The following KIF6 variants were observed in gnomAD, a reference collection of about 807,000 sequenced individuals.
KIF6 encodes the protein kinesin family member 6.
In KIF6, 106 loss-of-function variants were observed where a neutral mutation model predicts 112.7. The ratio of observed to expected loss-of-function variants is 0.94; its 90% CI spans 0.80 to 1.11. KIF6 has a LOEUF of 1.11. KIF6 is among the 50% of genes least tolerant of loss of function. KIF6 has a pLI of 0.00. For missense variants in KIF6, 929 were observed against 964.0 expected (o/e 0.96, Z 0.48); for synonymous variants, 339 against 339.9 (o/e 1.00, Z 0.03).
At chr6:39,494,784 C>T (rs916899062) in intron 13 of KIF6, among the ~76,000 whole-genome samples, 4 of 150,952 alleles carry the variant, frequency 2.6e-5, no homozygotes, top group Non-Finnish European at 5.9e-5. Flanking sequence ...AAGAAATGTC[C>T]TTATGACAAG....
chr6:39,371,539 C>T (rs1006970569), intron 16 of KIF6, among the ~76,000 whole-genome samples: 8 of 152,184 alleles, frequency 5.3e-5, no homozygotes, highest in East Asian at 1.9e-4. Context: ...CCTTTCTGCA[C>T]AGCCCTGACA....
chr6:39,372,201 G>T (rs755499727), intron 16 of KIF6, among the ~76,000 whole-genome samples: 1 of 151,920 alleles, frequency 6.6e-6, no homozygotes, highest in African/African-American at 2.4e-5. Context: ...CAGTTATGGG[G>T]TTGATCAATT....
chr6:39,721,638 T>C (rs1416700702), intron 1 of KIF6, among the ~76,000 whole-genome samples: 1 of 152,124 alleles, frequency 6.6e-6, no homozygotes, highest in Non-Finnish European at 1.5e-5. Context: ...CTGAGCTCAA[T>C]TTACCAGCTG....
chr6:39,505,902 G>A (rs1312148695), intron 13 of KIF6, among the ~76,000 whole-genome samples: 2 of 152,206 alleles, frequency 1.3e-5, no homozygotes, highest in African/African-American at 4.8e-5. Flanking sequence ...TACACGGTTG[G>A]TGGGAGTGTA....
At position 39,448,693 on chromosome 6, in the gene KIF6, G is replaced by A. The variant is rs80061576; in HGVS notation, c.1646-17532C>T. On this transcript the variant is annotated intron_variant, in intron 13 of 22. Transcript: ENST00000287152. ...AACCTTCAGATATTGTTTAGCTCTG[G>A]AGACTATTCTCTTTCAACAGGTGAT... Among the ~76,000 whole-genome samples, 584 of 152,068 alleles carry A rather than the reference G, an allele frequency of 3.8e-3. 1 individual carries two copies. Among genetic ancestry groups the A allele is most frequent in the African/African-American group, 0.013 (556 of 41,462 alleles).
chr6:39,617,317 A>T (rs1461506985), intron 5 of KIF6, among the ~76,000 whole-genome samples: 2 of 152,160 alleles, frequency 1.3e-5, no homozygotes, highest in Admixed American at 6.5e-5. Context: ...TGACTGAAGC[A>T]CATATAAAGA....
intron 18 of KIF6, 56 bp from the exon 19 acceptor site, chr6:39,357,430 G>C: frequency 1.1e-6 from 1 of 902,048 alleles, no homozygotes; most frequent in African/African-American, 1.7e-5. Flanking sequence ...GACATAGGAA[G>C]ATGTTTTTGA....
At chr6:39,557,924 C>T (rs1779799556) in intron 10 of KIF6, among the ~76,000 whole-genome samples, 1 of 150,598 alleles carries the variant, frequency 6.6e-6, no homozygotes, top group Non-Finnish European at 1.5e-5. Flanking sequence ...TTGGTGAAAT[C>T]ACAAGTGATT....
At chr6:39,361,020 T>C (rs1765091503) in intron 17 of KIF6, among the ~76,000 whole-genome samples, 1 of 152,198 alleles carries the variant, frequency 6.6e-6, no homozygotes, top group Admixed American at 6.5e-5. Context: ...GGTCTGGTTC[T>C]AGAACCACAG....
chr6:39,570,362 T>C (rs1483574716), intron 10 of KIF6, among the ~76,000 whole-genome samples: 2 of 152,138 alleles, frequency 1.3e-5, no homozygotes, highest in African/African-American at 4.8e-5. Flanking sequence ...CAGGGCCACC[T>C]GTTAGGTAGG....
At chr6:39,654,153 G>T (rs936456157) in intron 3 of KIF6, among the ~76,000 whole-genome samples, 4 of 152,124 alleles carry the variant, frequency 2.6e-5, no homozygotes, top group Admixed American at 2.6e-4. Context: ...TGAACAGGTG[G>T]GGAAGACAGT....
intron 3 of KIF6, among the ~76,000 whole-genome samples, chr6:39,708,429 C>G (rs1403542777): frequency 1.3e-5 from 2 of 152,140 alleles, no homozygotes; most frequent in Non-Finnish European, 2.9e-5. Flanking sequence ...AGTGGTGGCT[C>G]ATAATGACTA....
intron 13 of KIF6, among the ~76,000 whole-genome samples, chr6:39,466,234 C>A (rs1009934808): frequency 6.6e-6 from 1 of 152,180 alleles, no homozygotes; most frequent in African/African-American, 2.4e-5. Flanking sequence ...TTCCTCCCCC[C>A]TTCCTCCTTC....
chr6:39,602,155 A>G (rs1024847198), intron 6 of KIF6, among the ~76,000 whole-genome samples: 47 of 152,294 alleles, frequency 3.1e-4, no homozygotes, highest in Middle Eastern at 3.4e-3. Context: ...ACCATTATTT[A>G]ATAATCCTTT....
chr6:39,525,451 T>G (rs1218437036), intron 13 of KIF6, among the ~76,000 whole-genome samples: 1 of 152,162 alleles, frequency 6.6e-6, no homozygotes, highest in Non-Finnish European at 1.5e-5. Flanking sequence ...TAGACACAAC[T>G]GAATATAAAT....
At chr6:39,526,794 C>T (rs1777763506) in intron 13 of KIF6, among the ~76,000 whole-genome samples, 1 of 152,178 alleles carries the variant, frequency 6.6e-6, no homozygotes, top group African/African-American at 2.4e-5. Context: ...AGTCAATGGT[C>T]CATTTACTGA....
intron 5 of KIF6, among the ~76,000 whole-genome samples, chr6:39,616,262 T>C (rs1262466368): frequency 6.6e-6 from 1 of 152,222 alleles, no homozygotes; most frequent in Non-Finnish European, 1.5e-5. Flanking sequence ...ACTTCAGAAC[T>C]ATTACACTTC....
intron 13 of KIF6, among the ~76,000 whole-genome samples, chr6:39,490,784 A>G (rs1327544036): frequency 6.6e-6 from 1 of 152,162 alleles, no homozygotes. Context: ...GGAGGAAGAA[A>G]GTCAAAACAA....
chr6:39,330,184 C>T lies in KIF6; in HGVS notation c.*6348G>A, dbSNP rs1583799958. On this transcript the variant is annotated 3_prime_UTR_variant, in exon 23 of 23. Transcript: ENST00000287152. ...CTGCTTTCCTGGAACCAGGGACTGA[C>T]TAGGAAGCCCTAAAACAGCTTCATA... is the stretch of plus-strand genomic sequence containing the variant. 1 of 152,122 alleles carries T rather than the reference C, an allele frequency of 6.6e-6. No homozygotes were observed. The highest frequency in any genetic ancestry group is 6.5e-5 in the Admixed American group (1 of 15,282). 9.4% of individuals were successfully genotyped at this position (152,122 alleles called of 1,614,324 possible).
Sources: gnomAD v4.1 joint callset for allele counts (sites outside exome capture counted in the v4.1 genomes callset) on GRCh38, gnomAD v4.1.1 for gene constraint, MANE v1.5 for transcripts, NCBI Gene and HGNC (gene_info 2026-07-23, HGNC 2026-07-21) for gene names.